SDCCAG8: variants seen among roughly 807,000 people sequenced by gnomAD.
SDCCAG8 encodes serologically defined colon cancer antigen 8.
A neutral mutation model predicts 101.8 loss-of-function variants in SDCCAG8; 74 were observed. That is an observed-to-expected ratio of 0.73 (90% CI 0.60 to 0.88). SDCCAG8 has a LOEUF of 0.88. Among genes scored for constraint, SDCCAG8 ranks in the 40% least tolerant of loss-of-function variants. The probability of loss-of-function intolerance (pLI) is 0.00; values close to 1 mark genes in which losing one functional copy is unlikely to be tolerated. For missense variants in SDCCAG8, 787 were observed against 822.6 expected (o/e 0.96, Z 0.53); for synonymous variants, 281 against 292.9 (o/e 0.96, Z 0.41).
intron 16 of SDCCAG8, among the ~76,000 whole-genome samples, chr1:243,440,315 A>T (rs570265457): frequency 9.5e-5 from 14 of 147,420 alleles, no homozygotes; most frequent in East Asian, 7.8e-4. Flanking sequence ...TTATTAAATT[A>T]AAAAAAAAGG....
chr1:243,280,785 A>G (rs577989516), intron 4 of SDCCAG8, among the ~76,000 whole-genome samples: 6 of 152,290 alleles, frequency 3.9e-5, no homozygotes, highest in African/African-American at 1.4e-4. Context: ...GTCTGACAGC[A>G]TACTTTCCTA....
At chr1:243,495,511 T>C (rs981444334) in intron 17 of SDCCAG8, among the ~76,000 whole-genome samples, 1 of 152,202 alleles carries the variant, frequency 6.6e-6, no homozygotes, top group Non-Finnish European at 1.5e-5. Context: ...TGCCCTGCGA[T>C]GGCCTTAACC....
intron 16 of SDCCAG8, among the ~76,000 whole-genome samples, chr1:243,443,975 A>G (rs115995640): frequency 0.013 from 1,961 of 152,314 alleles, 16 homozygotes; most frequent in Non-Finnish European, 0.021. Context: ...GCTGAATCAT[A>G]AAAGAAAACT....
intron 6 of SDCCAG8, among the ~76,000 whole-genome samples, chr1:243,302,274 C>G (rs571617714): frequency 1.3e-5 from 2 of 151,746 alleles, no homozygotes; most frequent in African/African-American, 4.8e-5. Flanking sequence ...AAAAAAAGGA[C>G]GAAAATTATT....
Position 243,474,823 on chromosome 1 carries a change from C to T in SDCCAG8, c.1986-14191C>T, listed in dbSNP as rs1375078384. Among the ~76,000 whole-genome samples, 2 of 152,250 alleles carry T rather than the reference C, an allele frequency of 1.3e-5. No individual in the cohort carries two copies. Among genetic ancestry groups the T allele is most frequent in the African/African-American group, 4.8e-5 (2 of 41,468 alleles). ...GGCTCGTCCTGAACGTGCACAGCCGCTCCTAACTCCGTCAACGGAATTTCA... is the reference window on the plus strand; with the variant it reads ...GGCTCGTCCTGAACGTGCACAGCCGTTCCTAACTCCGTCAACGGAATTTCA... On this transcript the variant is annotated intron_variant, in intron 16 of 17. Transcript: ENST00000366541. This position sits in a 1 kb window ranked among gnomAD's most constrained non-coding sequence, Gnocchi z 4.7.
chr1:243,414,412 C>G (rs2080418939), intron 13 of SDCCAG8, among the ~76,000 whole-genome samples: 1 of 152,072 alleles, frequency 6.6e-6, no homozygotes, highest in Non-Finnish European at 1.5e-5. Flanking sequence ...CGACGCAAGA[C>G]CTTGGACCAC....
At chr1:243,403,585 G>C (rs1209609099) in intron 13 of SDCCAG8, among the ~76,000 whole-genome samples, 1 of 152,150 alleles carries the variant, frequency 6.6e-6, no homozygotes, top group Non-Finnish European at 1.5e-5. Context: ...CTTACTTAGA[G>C]CAGGAGTTCC....
At chr1:243,343,467 A>G (rs1376153964) in intron 11 of SDCCAG8, among the ~76,000 whole-genome samples, 1 of 152,242 alleles carries the variant, frequency 6.6e-6, no homozygotes, top group Non-Finnish European at 1.5e-5. Context: ...CAAAGTTCTT[A>G]GTGTTAAGTA....
intron 15 of SDCCAG8, among the ~76,000 whole-genome samples, chr1:243,425,484 G>T (rs1573969708): frequency 6.6e-6 from 1 of 152,066 alleles, no homozygotes; most frequent in African/African-American, 2.4e-5. Flanking sequence ...GGAAGAAAAG[G>T]CTATCTTGCC....
chr1:243,414,963 G>C (rs1004225142), intron 13 of SDCCAG8, among the ~76,000 whole-genome samples: 13 of 151,848 alleles, frequency 8.6e-5, no homozygotes, highest in Non-Finnish European at 1.3e-4. Flanking sequence ...AATTGTTTAG[G>C]AAGTTTCTCT....
At chr1:243,333,491 C>T (rs2149353120) in intron 10 of SDCCAG8, among the ~76,000 whole-genome samples, 1 of 152,316 alleles carries the variant, frequency 6.6e-6, no homozygotes, top group Non-Finnish European at 1.5e-5. Flanking sequence ...AGGTTGGAAA[C>T]CACGTCAGTA....
chr1:243,477,033 C>CACACACACACAGAG (rs942231630), intron 16 of SDCCAG8, among the ~76,000 whole-genome samples: 2 of 150,320 alleles, frequency 1.3e-5, no homozygotes, highest in South Asian at 4.2e-4. Context: ...CACACACACA[C>CACACACACACAGAG]AGAGAGAAAG....
chr1:243,307,152 A>C (rs529187963), intron 7 of SDCCAG8, among the ~76,000 whole-genome samples: 134 of 151,784 alleles, frequency 8.8e-4, no homozygotes, highest in Non-Finnish European at 1.5e-3. Flanking sequence ...GGGATAAGGT[A>C]GGAAAATACA....
chr1:243,256,307 A>G (rs1016797872), intron 1 of SDCCAG8, 67 bp downstream of exon 1: 42 of 1,370,852 alleles, frequency 3.1e-5, no homozygotes, highest in Non-Finnish European at 3.8e-5. Flanking sequence ...GGAGCAGACC[A>G]GGTGCGTTTC....
intron 12 of SDCCAG8, among the ~76,000 whole-genome samples, chr1:243,365,171 T>A (rs1390323825): frequency 6.6e-6 from 1 of 152,160 alleles, no homozygotes; most frequent in Non-Finnish European, 1.5e-5. Flanking sequence ...TGGTTTAACT[T>A]CACTGGATCC....
chr1:243,338,934 C>G (rs2075204367), intron 10 of SDCCAG8: 2 of 153,702 alleles, frequency 1.3e-5, no homozygotes, highest in African/African-American at 2.4e-5. Flanking sequence ...ATGTTGACTT[C>G]CAGATGGTGG....
chr1:243,327,622 A>G (rs1295831090), intron 9 of SDCCAG8, among the ~76,000 whole-genome samples: 3 of 152,040 alleles, frequency 2.0e-5, no homozygotes, highest in Middle Eastern at 3.4e-3. Context: ...GTCTTTACTG[A>G]ATGGTTATAG....
At chr1:243,358,905 T>C (rs886275193) in intron 12 of SDCCAG8, among the ~76,000 whole-genome samples, 3 of 152,218 alleles carry the variant, frequency 2.0e-5, no homozygotes, top group East Asian at 1.9e-4. Flanking sequence ...ATGTTTAGAA[T>C]GGGCAAATCT....
At chr1:243,480,190 G>A (rs1663181827) in intron 16 of SDCCAG8, among the ~76,000 whole-genome samples, 1 of 150,530 alleles carries the variant, frequency 6.6e-6, no homozygotes, top group Admixed American at 6.6e-5. Context: ...GGATTCCAGG[G>A]GGCCGTGTGG....
Sources: gnomAD v4.1 joint callset for allele counts (sites outside exome capture counted in the v4.1 genomes callset) on GRCh38, gnomAD v4.1.1 for gene constraint, Gnocchi (gnomAD v3.1) non-coding constraint, MANE v1.5 for transcripts, NCBI Gene and HGNC (gene_info 2026-07-23, HGNC 2026-07-21) for gene names.